Variants in PDE3A observed in about 807,000 individuals in gnomAD.
The protein encoded by PDE3A is cGMP-inhibited 3',5'-cyclic phosphodiesterase 3A.
In PDE3A, 43 loss-of-function variants were observed where a neutral mutation model predicts 98.3. The ratio of observed to expected loss-of-function variants is 0.44; its 90% CI spans 0.34 to 0.56. PDE3A has a LOEUF of 0.56. Among genes scored for constraint, PDE3A ranks in the 20% least tolerant of loss-of-function variants. The pLI is 0.01. For synonymous variants in PDE3A, 663 were observed against 567.9 expected, an observed-to-expected ratio of 1.17 and a Z score of -2.38; for missense variants, 1,427 against 1,440.7, an observed-to-expected ratio of 0.99 and a Z score of 0.15.
chr12:20,434,339 T>C (rs968432750), intron 1 of PDE3A, among the ~76,000 whole-genome samples: 1 of 152,176 alleles, frequency 6.6e-6, no homozygotes, highest in African/African-American at 2.4e-5. Context: ...TGAAATTCTA[T>C]AGGGGCTTTG....
At chr12:20,477,468 T>C (rs988798300) in intron 1 of PDE3A, among the ~76,000 whole-genome samples, 2 of 152,186 alleles carry the variant, frequency 1.3e-5, no homozygotes, top group African/African-American at 4.8e-5. Context: ...CCTGCTCTGT[T>C]GTTAAATACT....
rs1943391351 is a variant in PDE3A, at chr12:20,368,581, TTC to T, written c.-702_-701del. Among the ~76,000 whole-genome samples the T allele has an allele frequency of 6.6e-6, 1 of 151,846 alleles. No homozygotes were observed. Among genetic ancestry groups the T allele is most frequent in the African/African-American group, 2.4e-5 (1 of 41,356 alleles). Reference sequence around the variant, plus strand: ...TCTCTCTCCGACGGGACTTAGCAACTTCTTATTTCTCAGCCCCTTGTCCATTT... The same window carrying T: ...TCTCTCTCCGACGGGACTTAGCAACTTTATTTCTCAGCCCCTTGTCCATTT... On this transcript the variant is annotated 5_prime_UTR_variant, in exon 1 of 16. Transcript: ENST00000359062.
intron 15 of PDE3A, among the ~76,000 whole-genome samples, chr12:20,679,474 C>A (rs552411033): frequency 6.6e-6 from 1 of 152,158 alleles, no homozygotes; most frequent in South Asian, 2.1e-4. Flanking sequence ...GTCTCAATCT[C>A]CTGAGCTCGT....
chr12:20,581,325 GGTTTT>G (rs1206344664), intron 2 of PDE3A, among the ~76,000 whole-genome samples: 1 of 152,068 alleles, frequency 6.6e-6, no homozygotes, highest in Non-Finnish European at 1.5e-5. Context: ...TTTTGGTTTT[GGTTTT>G]GTTTTGTTTT....
intron 1 of PDE3A, among the ~76,000 whole-genome samples, chr12:20,513,342 G>C (rs1226885355): frequency 6.6e-6 from 1 of 152,120 alleles, no homozygotes; most frequent in African/African-American, 2.4e-5. Context: ...GTAAAATATT[G>C]TCTATTTCAT....
At chr12:20,644,428 C>T (rs545232019) in intron 10 of PDE3A, among the ~76,000 whole-genome samples, 5 of 152,118 alleles carry the variant, frequency 3.3e-5, no homozygotes, top group Non-Finnish European at 5.9e-5. Context: ...ATATTATTCC[C>T]GTATTTTTAA....
At chr12:20,675,168 A>G (rs1247859946) in intron 15 of PDE3A, among the ~76,000 whole-genome samples, 2 of 151,856 alleles carry the variant, frequency 1.3e-5, no homozygotes, top group Non-Finnish European at 2.9e-5. Flanking sequence ...TATCTCTTTG[A>G]CCCAAAGGTC....
intron 15 of PDE3A, among the ~76,000 whole-genome samples, chr12:20,665,766 C>T (rs916081688): frequency 6.6e-6 from 1 of 151,996 alleles, no homozygotes; most frequent in Non-Finnish European, 1.5e-5. Context: ...TCCAAGTAGG[C>T]ATAGAGTGCT....
chr12:20,424,439 G>A (rs1246700916), intron 1 of PDE3A, among the ~76,000 whole-genome samples: 1 of 152,084 alleles, frequency 6.6e-6, no homozygotes, highest in Non-Finnish European at 1.5e-5. Flanking sequence ...ATGTAAGGGA[G>A]CATAAATGAA....
chr12:20,648,318 T>C lies in PDE3A; in HGVS notation c.2566-370T>C, dbSNP rs80270923. Among the ~76,000 whole-genome samples the C allele has an allele frequency of 7.6e-4, 114 of 150,452 alleles. 2 individuals are homozygous for C. The East Asian group carries it at 0.017, about 23-fold the overall frequency. ...TTACATATATATGTAAATATAATTT[T>C]TTTCTTTTTTCTTTCTCCCTCCTCT... On this transcript the variant is annotated intron_variant, in intron 12 of 15. Transcript: ENST00000359062.
At chr12:20,569,739 A>G (rs1467800752) in intron 2 of PDE3A, among the ~76,000 whole-genome samples, 1 of 152,176 alleles carries the variant, frequency 6.6e-6, no homozygotes, top group Admixed American at 6.5e-5. Context: ...TTAAGTTTTT[A>G]ATAAAACTTC....
chr12:20,390,511 A>G (rs1470094706), intron 1 of PDE3A, among the ~76,000 whole-genome samples: 1 of 151,518 alleles, frequency 6.6e-6, no homozygotes, highest in Non-Finnish European at 1.5e-5. Context: ...TGATAGTGGA[A>G]GGTGTTAACA....
chr12:20,635,593 AAAG>A (rs948052634), intron 8 of PDE3A, among the ~76,000 whole-genome samples: 22 of 133,788 alleles, frequency 1.6e-4, no homozygotes, highest in South Asian at 4.6e-4. Context: ...AAAAAAAAAG[AAAG>A]AAAGAAATTA....
chr12:20,506,135 T>C (rs867398660), intron 1 of PDE3A, among the ~76,000 whole-genome samples: 33 of 151,666 alleles, frequency 2.2e-4, no homozygotes, highest in African/African-American at 7.7e-4. Flanking sequence ...TGTGTATGTG[T>C]GTGTAGCAGG....
intron 2 of PDE3A, among the ~76,000 whole-genome samples, chr12:20,600,793 G>T (rs2121407441): frequency 6.6e-6 from 1 of 152,254 alleles, no homozygotes; most frequent in Non-Finnish European, 1.5e-5. Flanking sequence ...ACAATTCTCA[G>T]TATACTTTAA....
At chr12:20,428,312 C>T (rs977660373) in intron 1 of PDE3A, among the ~76,000 whole-genome samples, 2 of 152,142 alleles carry the variant, frequency 1.3e-5, no homozygotes, top group African/African-American at 4.8e-5. Context: ...CGGAGTCTCG[C>T]TCTGTCGCCC....
chr12:20,383,036 G>A (rs1486350382), intron 1 of PDE3A, among the ~76,000 whole-genome samples: 1 of 151,954 alleles, frequency 6.6e-6, no homozygotes, highest in African/African-American at 2.4e-5. Flanking sequence ...TAAGGCAACA[G>A]TAGAAGGAGA....
chr12:20,423,663 T>C (rs1944558578), intron 1 of PDE3A, among the ~76,000 whole-genome samples: 1 of 152,132 alleles, frequency 6.6e-6, no homozygotes, highest in African/African-American at 2.4e-5. Flanking sequence ...AATCTGTGCT[T>C]TACTTCCCCT....
Position 20,609,379 on chromosome 12 carries a change from G to A in PDE3A, c.1012-4064G>A, listed in dbSNP as rs555664443. Among the ~76,000 whole-genome samples, 16 of 151,948 alleles carry A rather than the reference G, an allele frequency of 1.1e-4. No individual in the cohort carries two copies. In the East Asian group the frequency reaches 2.7e-3, roughly 26 times the overall value. On this transcript the variant is annotated intron_variant, in intron 2 of 15. Transcript: ENST00000359062. ...CAAGGAGGTAAAAGATTTGTACATT[G>A]AAAATTATAAAACACTGATGAAAAG... is the stretch of plus-strand genomic sequence containing the variant.
Sources: allele counts gnomAD v4.1 joint callset (sites outside exome capture counted in the v4.1 genomes callset), GRCh38; gene constraint gnomAD v4.1.1; transcripts MANE v1.5; gene names NCBI Gene and HGNC (gene_info 2026-07-23, HGNC 2026-07-21).